The following SLC7A14 variants were observed in gnomAD, a reference collection of about 807,000 sequenced individuals.
SLC7A14 encodes solute carrier family 7 member 14.
A neutral mutation model predicts 60.2 loss-of-function variants in SLC7A14; 37 were observed. The observed-to-expected ratio is 0.61, with a 90% confidence interval of 0.47 to 0.81. The LOEUF is 0.81. Among genes scored for constraint, SLC7A14 ranks in the 30% least tolerant of loss-of-function variants. The pLI, the probability that SLC7A14 is intolerant of heterozygous loss-of-function variation, is 0.00. For synonymous variants in SLC7A14, 399 were observed against 395.8 expected (o/e 1.01, Z -0.10); for missense variants, 886 against 982.7 (o/e 0.90, Z 1.32).
chr3:170,564,636 GC>G (rs1268046997), intron 1 of SLC7A14, among the ~76,000 whole-genome samples: 1 of 152,192 alleles, frequency 6.6e-6, no homozygotes, highest in Admixed American at 6.5e-5. Context: ...TACAGTCCTT[GC>G]CCTACCTGTT....
chr3:170,554,637 T>C (rs1714438380), intron 1 of SLC7A14, among the ~76,000 whole-genome samples: 1 of 152,222 alleles, frequency 6.6e-6, no homozygotes, highest in African/African-American at 2.4e-5. Context: ...GATTGGCCTC[T>C]GCTTTCAGTC....
intron 7 of SLC7A14, among the ~76,000 whole-genome samples, chr3:170,478,736 C>G (rs1711710917): frequency 6.6e-6 from 1 of 152,136 alleles, no homozygotes; most frequent in Non-Finnish European, 1.5e-5. Context: ...TTTTTGAGCA[C>G]ATACTGCGGG....
intron 1 of SLC7A14, among the ~76,000 whole-genome samples, chr3:170,561,577 G>T (rs897821035): frequency 1.3e-5 from 2 of 152,170 alleles, no homozygotes; most frequent in African/African-American, 4.8e-5. Context: ...ACCCCACAGG[G>T]TTATGACAAG....
At position 170,535,605 on chromosome 3, in the gene SLC7A14, G is replaced by T. The variant is rs1304653189; in HGVS notation, c.-152-8517C>A. On this transcript the variant is annotated intron_variant, in intron 1 of 7. Transcript: ENST00000231706. This position sits in a 1 kb window ranked among gnomAD's most constrained non-coding sequence, Gnocchi z 4.3. ...GAGCTGACATGCTCCCTTGCCCTCT[G>T]GTTGGATTGGTCAATGGGAGGCACC... Among the ~76,000 whole-genome samples, 1 of 152,132 alleles carries T rather than the reference G, an allele frequency of 6.6e-6. No individual in the cohort carries two copies. Among genetic ancestry groups the T allele is most frequent in the Non-Finnish European group, 1.5e-5 (1 of 68,026 alleles).
chr3:170,510,444 G>C (rs973618323), intron 2 of SLC7A14, among the ~76,000 whole-genome samples: 2 of 151,206 alleles, frequency 1.3e-5, no homozygotes, highest in African/African-American at 4.9e-5. Flanking sequence ...CAACCTATCT[G>C]TTTACTCTCT....
In SLC7A14 at chr3:170,511,397, T is replaced by TA. The variant is rs988681483; in HGVS notation, c.305-10053dup. Among the ~76,000 whole-genome samples the TA allele has an allele frequency of 1.5e-4, 22 of 145,896 alleles. 1 individual carries two copies. Among genetic ancestry groups the TA allele is most frequent in the South Asian group, 4.4e-4 (2 of 4,570 alleles). ...GGGCAACAAGAGCGAAACTCCGTCT[T>TA]AAAAAAAAAAGAAAAAAAAGGACAA... On this transcript the variant is annotated intron_variant, in intron 2 of 7. Transcript: ENST00000231706.
intron 2 of SLC7A14, among the ~76,000 whole-genome samples, chr3:170,522,301 A>G (rs1297728460): frequency 6.6e-6 from 1 of 152,218 alleles, no homozygotes; most frequent in Non-Finnish European, 1.5e-5. Context: ...CTTACTTGAG[A>G]AACCACAACT....
Position 170,465,247 on chromosome 3 carries a change from T to C in SLC7A14, c.*1808A>G, listed in dbSNP as rs1489654940. 6.6e-6 allele frequency: 1 copy of C among 152,262 alleles called. No homozygotes were observed. Among genetic ancestry groups the C allele is most frequent in the Non-Finnish European group, 1.5e-5 (1 of 68,050 alleles). 9.4% of individuals were successfully genotyped at this position (152,262 alleles called of 1,614,324 possible). ...TATGTAATTTATTTAAAGCATATTT[T>C]TTAAAAACTAGTTTCAATTCATCTT... is the stretch of plus-strand genomic sequence containing the variant. On this transcript the variant is annotated 3_prime_UTR_variant, in exon 8 of 8. Coordinates refer to ENST00000231706, the MANE Select transcript of SLC7A14 (RefSeq NM_020949.3).
At chr3:170,554,203 G>A (rs1212467514) in intron 1 of SLC7A14, among the ~76,000 whole-genome samples, 7 of 152,240 alleles carry the variant, frequency 4.6e-5, no homozygotes, top group African/African-American at 4.8e-5. Flanking sequence ...TTTTCTGTCC[G>A]GGAACCATGC....
chr3:170,509,650 A>G (rs1363427066), intron 2 of SLC7A14, among the ~76,000 whole-genome samples: 2 of 151,730 alleles, frequency 1.3e-5, no homozygotes, highest in African/African-American at 4.9e-5. Flanking sequence ...TCTCTACTAA[A>G]AATACAAAAA....
intron 1 of SLC7A14, among the ~76,000 whole-genome samples, chr3:170,557,325 GC>G (rs1219811520): frequency 6.6e-6 from 1 of 151,856 alleles, no homozygotes; most frequent in African/African-American, 2.4e-5. Context: ...CAGTTCTGCT[GC>G]CCAGCCGAGC....
intron 1 of SLC7A14, among the ~76,000 whole-genome samples, chr3:170,545,190 G>A (rs138449440): frequency 3.7e-3 from 557 of 152,320 alleles, no homozygotes; most frequent in Middle Eastern, 0.02. Context: ...GACATTGGGT[G>A]TCAGGCTAGC....
chr3:170,504,499 T>A (rs1363056438), intron 2 of SLC7A14, among the ~76,000 whole-genome samples: 1 of 152,010 alleles, frequency 6.6e-6, no homozygotes, highest in African/African-American at 2.4e-5. Flanking sequence ...TTTTGTATTT[T>A]TAGTAGAGAT....
Position 170,577,354 on chromosome 3 carries a change from C to T in SLC7A14, c.-153+8557G>A, listed in dbSNP as rs9827776. Among the ~76,000 whole-genome samples the T allele has an allele frequency of 5.7e-3, 871 of 151,786 alleles. 8 individuals carry two copies. Among genetic ancestry groups the T allele is most frequent in the African/African-American group, 0.02 (830 of 41,392 alleles). ...ACAGAGGAGGCCGGGCGCGGTGGCT[C>T]ACGCCTGTAATCCCAGCACTTTGGG... is the stretch of plus-strand genomic sequence containing the variant. On this transcript the variant is annotated intron_variant, in intron 1 of 7. Coordinates refer to ENST00000231706, the MANE Select transcript of SLC7A14 (RefSeq NM_020949.3).
Position 170,461,519 on chromosome 3 carries a change from T to C in SLC7A14, c.*5536A>G, listed in dbSNP as rs1278422673. 1.3e-5 allele frequency: 2 copies of C among 152,180 alleles called. No homozygotes were observed. The highest frequency in any genetic ancestry group is 2.9e-5 in the Non-Finnish European group (2 of 68,026). 9.4% of individuals were successfully genotyped at this position (152,180 alleles called of 1,614,324 possible). A position where few individuals can be genotyped will look rare whatever the true frequency, so the allele number is the denominator to read the frequency against. On this transcript the variant is annotated 3_prime_UTR_variant, in exon 8 of 8. Transcript: ENST00000231706. ...CTAAAACTCTTAGAGAAAATAAAAGTAGGACATAGGACCAACCATTATGTA... is the reference window on the plus strand; with the variant it reads ...CTAAAACTCTTAGAGAAAATAAAAGCAGGACATAGGACCAACCATTATGTA...
intron 2 of SLC7A14, among the ~76,000 whole-genome samples, chr3:170,524,336 G>A (rs761345305): frequency 2.6e-5 from 4 of 152,298 alleles, no homozygotes; most frequent in South Asian, 4.1e-4. Flanking sequence ...ACACAGTCTG[G>A]ACCAATTTCA....
chr3:170,575,415 T>C (rs561720806), intron 1 of SLC7A14, among the ~76,000 whole-genome samples: 106 of 152,300 alleles, frequency 7.0e-4, no homozygotes, highest in Middle Eastern at 3.4e-3. Flanking sequence ...GTCATGCTCA[T>C]GTGTTAGTGT....
At chr3:170,519,716 C>T (rs1321461944) in intron 2 of SLC7A14, among the ~76,000 whole-genome samples, 6 of 152,194 alleles carry the variant, frequency 3.9e-5, no homozygotes, top group African/African-American at 1.4e-4. Context: ...GTGTAGGTTG[C>T]AGTGAGCCAA....
At chr3:170,577,484 G>A (rs1715125376) in intron 1 of SLC7A14, among the ~76,000 whole-genome samples, 1 of 151,628 alleles carries the variant, frequency 6.6e-6, no homozygotes, top group Non-Finnish European at 1.5e-5. Context: ...CGGGCGCGGT[G>A]GCGGGCGCCT....
Sources: allele counts gnomAD v4.1 joint callset (sites outside exome capture counted in the v4.1 genomes callset), GRCh38; gene constraint gnomAD v4.1.1; non-coding constraint Gnocchi (gnomAD v3.1); transcripts MANE v1.5; gene names NCBI Gene and HGNC (gene_info 2026-07-23, HGNC 2026-07-21).